TXNL4A: variants seen among roughly 807,000 people sequenced by gnomAD.
TXNL4A encodes thioredoxin-like protein 4A.
A neutral mutation model predicts 14.6 loss-of-function variants in TXNL4A; 17 were observed. The ratio of observed to expected loss-of-function variants is 1.16; its 90% confidence interval spans 0.80 to 1.74. The LOEUF is 1.74. Ranked by LOEUF, TXNL4A falls within the 40% of genes most tolerant of loss-of-function variation. The pLI is 0.00. For missense variants in TXNL4A, 74 were observed against 195.2 expected (o/e 0.38, Z 3.70); for synonymous variants, 83 against 70.6 (o/e 1.18, Z -0.88).
At chr18:80,009,376 C>T (rs1050617261) in intron 1 of TXNL4A, among the ~76,000 whole-genome samples, 10 of 152,126 alleles carry the variant, frequency 6.6e-5, no homozygotes, top group Admixed American at 6.5e-4. Context: ...CGTTTATCCT[C>T]CGACTTCACA....
At chr18:80,015,142 C>T (rs78974760) in intron 1 of TXNL4A, among the ~76,000 whole-genome samples, 127 of 152,266 alleles carry the variant, frequency 8.3e-4, no homozygotes, top group African/African-American at 2.9e-3. Context: ...CAGGGGCCAC[C>T]ATGAAGACCT....
intron 1 of TXNL4A, among the ~76,000 whole-genome samples, chr18:79,978,597 G>A (rs1178452254): frequency 2.0e-5 from 3 of 149,160 alleles, no homozygotes; most frequent in Middle Eastern, 3.5e-3. Flanking sequence ...GGGCTCAAGC[G>A]ATCCTCCCAT....
intron 1 of TXNL4A, among the ~76,000 whole-genome samples, chr18:80,014,990 A>G (rs2051797256): frequency 6.6e-6 from 1 of 152,252 alleles, no homozygotes; most frequent in East Asian, 1.9e-4. Flanking sequence ...GTCACAGCCC[A>G]AGCTGTATGT....
chr18:79,988,690 T>C, upstream of TXNL4A: 1 of 232,958 alleles, frequency 4.3e-6, no homozygotes, highest in Non-Finnish European at 8.3e-6. Flanking sequence ...GGCGGCGACC[T>C]GGGCACCGTG....
intron 1 of TXNL4A, among the ~76,000 whole-genome samples, chr18:79,999,322 G>C (rs968601022): frequency 7.9e-5 from 12 of 152,064 alleles, no homozygotes; most frequent in African/African-American, 2.7e-4. Context: ...GATCACATGA[G>C]GTCAGGAGTT....
intron 1 of TXNL4A, chr18:79,986,710 G>A (rs2051554525): frequency 9.1e-6 from 9 of 985,444 alleles, no homozygotes; most frequent in African/African-American, 1.7e-5. Flanking sequence ...TCGAGCTGCC[G>A]GCAGCAGGAT....
rs2051768285 is a variant in TXNL4A, at chr18:80,011,292, T to C, written c.-61+22559A>G. ...CGGGAGTTTGCATTTTCCCTTAATTTGTTAGTGATTTCAATTTGGTTTTTA... is the reference window on the plus strand; with the variant it reads ...CGGGAGTTTGCATTTTCCCTTAATTCGTTAGTGATTTCAATTTGGTTTTTA... On this transcript the variant is annotated intron_variant, in intron 1 of 2. Coordinates refer to the TXNL4A transcript ENST00000585474. The surrounding 1 kb of genome is among the most constrained non-coding windows in gnomAD (Gnocchi z 4.1). Among the ~76,000 whole-genome samples, 2 of 152,208 alleles carry C rather than the reference T, an allele frequency of 1.3e-5. No individual in the cohort carries two copies.
intron 1 of TXNL4A, among the ~76,000 whole-genome samples, chr18:80,031,860 T>C (rs1298965986): frequency 6.6e-6 from 1 of 152,188 alleles, no homozygotes; most frequent in Non-Finnish European, 1.5e-5. Context: ...CCCTCACTGA[T>C]TGGTTGAGCA....
chr18:79,981,657 G>A (rs1203569039), intron 1 of TXNL4A, among the ~76,000 whole-genome samples: 1 of 152,216 alleles, frequency 6.6e-6, no homozygotes, highest in Admixed American at 6.5e-5. Flanking sequence ...GAAGGACAAA[G>A]CGAGACTCCT....
At chr18:80,018,080 G>T (rs1384567501) in intron 1 of TXNL4A, among the ~76,000 whole-genome samples, 1 of 152,020 alleles carries the variant, frequency 6.6e-6, no homozygotes, top group African/African-American at 2.4e-5. Flanking sequence ...CTTCTTCCTG[G>T]TTTAGTCTTG....
chr18:79,988,939 T>C (rs2051602205), upstream of TXNL4A, among the ~76,000 whole-genome samples: 1 of 152,222 alleles, frequency 6.6e-6, no homozygotes, highest in Non-Finnish European at 1.5e-5. Flanking sequence ...TTCTGTGTGT[T>C]ACTAAGACAG....
chr18:80,020,002 C>T (rs545803147), intron 1 of TXNL4A, among the ~76,000 whole-genome samples: 1 of 152,150 alleles, frequency 6.6e-6, no homozygotes, highest in Non-Finnish European at 1.5e-5. Context: ...GTAACTCCCA[C>T]AATTCCCTTG....
intron 1 of TXNL4A, among the ~76,000 whole-genome samples, chr18:80,021,387 C>G (rs531417372): frequency 6.6e-6 from 1 of 152,034 alleles, no homozygotes; most frequent in Non-Finnish European, 1.5e-5. Flanking sequence ...CTGTGTTAGC[C>G]AGGATGGTCT....
At chr18:80,033,931 G>A (rs923148337) in exon 1 of TXNL4A, 5 of 148,686 alleles carry the variant, frequency 3.4e-5, no homozygotes, top group African/African-American at 5.2e-5. Context: ...TCTCGCTTCA[G>A]TCTTCGCCCT....
intron 1 of TXNL4A, among the ~76,000 whole-genome samples, chr18:79,987,201 C>T (rs570899157): frequency 2.6e-5 from 4 of 152,216 alleles, no homozygotes. Flanking sequence ...GTAAGCACTC[C>T]AAGGGAGTCT....
At chr18:80,004,163 A>G (rs1444149041) in intron 1 of TXNL4A, among the ~76,000 whole-genome samples, 1 of 149,796 alleles carries the variant, frequency 6.7e-6, no homozygotes, top group Non-Finnish European at 1.5e-5. Flanking sequence ...TGTAGGCAGG[A>G]AAGTTAAGGG....
chr18:80,000,239 G>C (rs529283626), intron 1 of TXNL4A, among the ~76,000 whole-genome samples: 4 of 152,328 alleles, frequency 2.6e-5, no homozygotes, highest in Admixed American at 1.3e-4. Context: ...GAACTCCCTA[G>C]AGACTTGTTG....
At position 79,997,932 on chromosome 18, in the gene TXNL4A, G is replaced by A. The variant is rs532243540; in HGVS notation, c.-60-20231C>T. Among the ~76,000 whole-genome samples, 12 of 152,258 alleles carry A rather than the reference G, an allele frequency of 7.9e-5. No homozygotes were observed. The East Asian group carries it at 2.1e-3, about 27-fold the overall frequency. ...CCCTGACAGAGTGAGAGGAATTTTA[G>A]CTTTCCCAATGCCTGTTACTAATAA... On this transcript the variant is annotated intron_variant, in intron 1 of 2. Transcript: ENST00000585474.
intron 1 of TXNL4A, among the ~76,000 whole-genome samples, chr18:79,999,010 T>C (rs1199212638): frequency 2.0e-5 from 3 of 152,114 alleles, no homozygotes; most frequent in Admixed American, 1.3e-4. Context: ...GTGGTTTCCT[T>C]ACTAGAGGTA....
Sources: gnomAD v4.1 joint callset for allele counts (sites outside exome capture counted in the v4.1 genomes callset) on GRCh38, gnomAD v4.1.1 for gene constraint, Gnocchi (gnomAD v3.1) non-coding constraint, MANE v1.5 for transcripts, NCBI Gene and HGNC (gene_info 2026-07-23, HGNC 2026-07-21) for gene names.